MTA3: variants seen among roughly 807,000 people sequenced by gnomAD.
MTA3 encodes metastasis associated 1 family member 3.
Under a neutral mutation model 83.5 loss-of-function variants are expected in MTA3, and 34 were observed. That is an observed-to-expected ratio of 0.41 (90% confidence interval 0.31 to 0.54). MTA3 has a LOEUF of 0.54. Ranked by LOEUF, MTA3 falls within the 20% of genes least tolerant of loss-of-function variation. The pLI, the probability that MTA3 is intolerant of heterozygous loss-of-function variation, is 0.33. For missense variants in MTA3, 761 were observed against 726.4 expected (o/e 1.05, Z -0.55); for synonymous variants, 303 against 252.7 (o/e 1.20, Z -1.89).
chr2:42,654,007 C>A (rs971248496), intron 6 of MTA3, among the ~76,000 whole-genome samples: 7 of 152,214 alleles, frequency 4.6e-5, no homozygotes, highest in African/African-American at 1.7e-4. Flanking sequence ...TGATTTTTAA[C>A]TGGTCTTTAA....
At chr2:42,567,258 A>G (rs1425403934), upstream of MTA3, among the ~76,000 whole-genome samples, 2 of 152,214 alleles carry the variant, frequency 1.3e-5, no homozygotes, top group Non-Finnish European at 2.9e-5. Flanking sequence ...GGGGGAACTC[A>G]CGTCCCCATT....
chr2:42,531,017 A>G (rs956859537), intron 2 of MTA3, among the ~76,000 whole-genome samples: 5 of 152,084 alleles, frequency 3.3e-5, no homozygotes, highest in African/African-American at 1.2e-4. Context: ...TTTAGTAGAG[A>G]TGGCGTCTCG....
At chr2:42,686,835 A>AG (rs1692414261) in intron 9 of MTA3, among the ~76,000 whole-genome samples, 1 of 150,494 alleles carries the variant, frequency 6.6e-6, no homozygotes, top group South Asian at 2.1e-4. Context: ...TCAAAAAAAA[A>AG]GGGCTGGGCA....
chr2:42,617,569 T>C (rs542023204), intron 4 of MTA3, among the ~76,000 whole-genome samples: 42 of 152,120 alleles, frequency 2.8e-4, no homozygotes, highest in African/African-American at 8.7e-4. Flanking sequence ...CCCAGCACTT[T>C]GGGAGGTCAC....
intron 7 of MTA3, 105 bp from the exon 8 acceptor site, chr2:42,659,654 CTTCT>C: frequency 1.4e-6 from 1 of 732,992 alleles, no homozygotes; most frequent in South Asian, 3.9e-5. Context: ...GTTTTTGCCT[CTTCT>C]TTTACAGTTT....
chr2:42,638,528 CTTAT>C (rs1687400416), intron 4 of MTA3, among the ~76,000 whole-genome samples: 1 of 151,746 alleles, frequency 6.6e-6, no homozygotes, highest in South Asian at 2.1e-4. Context: ...CTATGCCCTG[CTTAT>C]TTTATTTTTT....
At chr2:42,538,048 C>T (rs1292089554) in intron 2 of MTA3, among the ~76,000 whole-genome samples, 30 of 151,696 alleles carry the variant, frequency 2.0e-4, no homozygotes, top group Admixed American at 1.6e-3. Context: ...CTGGCTAACA[C>T]GGTGAAACCC....
At chr2:42,580,676 A>T (rs1467399160) in intron 3 of MTA3, among the ~76,000 whole-genome samples, 1 of 150,864 alleles carries the variant, frequency 6.6e-6, no homozygotes, top group Admixed American at 6.6e-5. Context: ...GCTCACTGTA[A>T]CCTCTGCTTC....
intron 2 of MTA3, among the ~76,000 whole-genome samples, chr2:42,545,706 G>A (rs559695350): frequency 1.8e-4 from 28 of 152,298 alleles, no homozygotes; most frequent in Admixed American, 1.6e-3. Context: ...TTGACACATC[G>A]TTTTCAATAG....
intron 2 of MTA3, among the ~76,000 whole-genome samples, chr2:42,503,316 G>A (rs893257284): frequency 3.9e-5 from 6 of 152,156 alleles, no homozygotes; most frequent in African/African-American, 1.2e-4. Flanking sequence ...CACTGAGGAC[G>A]ACCAGAGGTC....
intron 2 of MTA3, among the ~76,000 whole-genome samples, chr2:42,498,318 G>T (rs1167084329): frequency 6.6e-6 from 1 of 152,200 alleles, no homozygotes; most frequent in African/African-American, 2.4e-5. Context: ...CCAGTGTGCA[G>T]AATGACCCCT....
At chr2:42,749,100 C>T (rs1373062682) in intron 16 of MTA3, among the ~76,000 whole-genome samples, 2 of 152,214 alleles carry the variant, frequency 1.3e-5, no homozygotes, top group African/African-American at 4.8e-5. Context: ...CTGGGAATCT[C>T]ACCCTGTACT....
intron 16 of MTA3, among the ~76,000 whole-genome samples, chr2:42,738,921 G>T (rs1668813283): frequency 6.6e-6 from 1 of 152,132 alleles, no homozygotes; most frequent in Non-Finnish European, 1.5e-5. Context: ...CAGACCGGTT[G>T]ATCTCAAAAC....
At position 42,753,356 on chromosome 2, in the gene MTA3, G is replaced by C; in HGVS notation, c.1760-18G>C. On this transcript the variant is annotated intron_variant, in intron 16 of 16. Transcript: ENST00000405094. ...TCGGGACTTGTTTAACCTTCACACT[G>C]TTACTTCCCTTTTCTAGAACTCACG... 3.9e-6 allele frequency: 6 copies of C among 1,550,494 alleles called. No individual in the cohort carries two copies. The highest frequency in any genetic ancestry group is 5.2e-6 in the Non-Finnish European group (6 of 1,146,942).
At chr2:42,699,469 C>CTT (rs1693671431) in intron 11 of MTA3, among the ~76,000 whole-genome samples, 1 of 152,138 alleles carries the variant, frequency 6.6e-6, no homozygotes. Context: ...CAGATTAGCA[C>CTT]TTTAAGATCA....
rs199536294 is a variant in MTA3 at position 42,737,106 on chromosome 2, G to GTAAGCATTCC, written c.1759+14072_1759+14081dup. ...TGCCTGAGACTGGGGGAAGTGTGGTGTAAGCATTCCCTTAGCAGCCCTGGC... is the reference window on the plus strand; with the variant it reads ...TGCCTGAGACTGGGGGAAGTGTGGTGTAAGCATTCCTAAGCATTCCCTTAGCAGCCCTGGC... On this transcript the variant is annotated intron_variant, in intron 16 of 16. Coordinates refer to ENST00000405094, the MANE Select transcript of MTA3 (RefSeq NM_001330442.2). 3.1e-3 allele frequency among the ~76,000 whole-genome samples: 468 copies of GTAAGCATTCC among 152,340 alleles called. 3 individuals are homozygous for GTAAGCATTCC. The highest frequency in any genetic ancestry group is 0.011 in the African/African-American group (440 of 41,586).
chr2:42,711,815 T>TGTGTGTG (rs1558610257), intron 14 of MTA3, among the ~76,000 whole-genome samples: 3 of 151,496 alleles, frequency 2.0e-5, no homozygotes, highest in Non-Finnish European at 4.4e-5. Context: ...TGTGTGTGTG[T>TGTGTGTG]TTTCCAGTAA....
At chr2:42,616,604 G>T (rs1303290327) in intron 4 of MTA3, among the ~76,000 whole-genome samples, 2 of 119,926 alleles carry the variant, frequency 1.7e-5, no homozygotes, top group Non-Finnish European at 3.4e-5. Context: ...TTTGAGACAG[G>T]GTCTCACTCT....
At chr2:42,635,913 G>T (rs1301965772) in intron 4 of MTA3, among the ~76,000 whole-genome samples, 3 of 151,968 alleles carry the variant, frequency 2.0e-5, no homozygotes, top group Non-Finnish European at 2.9e-5. Context: ...TTACAGGCGT[G>T]CACCACCACA....
Sources: allele counts gnomAD v4.1 joint callset (sites outside exome capture counted in the v4.1 genomes callset), GRCh38; gene constraint gnomAD v4.1.1; transcripts MANE v1.5; gene names NCBI Gene and HGNC (gene_info 2026-07-23, HGNC 2026-07-21).